Variants in MICAL2 observed in about 807,000 individuals in gnomAD.
MICAL2 encodes the protein [F-actin]-monooxygenase MICAL2.
A neutral mutation model predicts 127.3 loss-of-function variants in MICAL2; 77 were observed. The ratio of observed to expected loss-of-function variants is 0.60; its 90% CI spans 0.50 to 0.73. The LOEUF (loss-of-function observed/expected upper bound fraction) is 0.73. Ranked by LOEUF, MICAL2 falls within the 30% of genes least tolerant of loss-of-function variation. MICAL2 has a pLI of 0.00. For synonymous variants in MICAL2, 570 were observed against 551.1 expected (o/e 1.03, Z -0.48); for missense variants, 1,351 against 1,434.4 (o/e 0.94, Z 0.94).
chr11:12,191,192 C>T (rs977490563), intron 3 of MICAL2, among the ~76,000 whole-genome samples: 3 of 152,084 alleles, frequency 2.0e-5, no homozygotes, highest in African/African-American at 7.2e-5. Flanking sequence ...TGGCCGGGTG[C>T]GGTGGCCCAC....
At chr11:12,352,374 A>C (rs942528934) in intron 33 of MICAL2, among the ~76,000 whole-genome samples, 5 of 152,244 alleles carry the variant, frequency 3.3e-5, no homozygotes, top group African/African-American at 1.2e-4. Context: ...ACACATAGGC[A>C]CGTGCATAGC....
At chr11:12,334,979 T>G (rs373499290) in intron 32 of MICAL2, among the ~76,000 whole-genome samples, 11 of 152,102 alleles carry the variant, frequency 7.2e-5, no homozygotes, top group African/African-American at 2.4e-4. Flanking sequence ...GTAATGGGAT[T>G]GCTGGGTCAA....
intron 1 of MICAL2, among the ~76,000 whole-genome samples, chr11:12,126,751 C>T (rs1371723570): frequency 6.6e-6 from 1 of 150,754 alleles, no homozygotes; most frequent in Non-Finnish European, 1.5e-5. Flanking sequence ...CGCAACAGTT[C>T]AGCTCAATCA....
chr11:12,256,743 G>C, intron 23 of MICAL2, 42 bp from the exon 24 acceptor site: 2 of 1,540,648 alleles, frequency 1.3e-6, no homozygotes, highest in Non-Finnish European at 1.8e-6. Flanking sequence ...TGAAGGCTCG[G>C]GATAAGCCAT....
rs560479007 is a variant in MICAL2 at position 12,145,991 on chromosome 11, G to A, written c.-78+7531G>A. 2.0e-3 allele frequency among the ~76,000 whole-genome samples: 301 copies of A among 152,298 alleles called. 1 individual carries two copies. The highest frequency in any genetic ancestry group is 3.4e-3 in the Middle Eastern group (1 of 294). On this transcript the variant is annotated intron_variant, in intron 2 of 27. Transcript: ENST00000683283. ...GAAATTGGTGGTCTGTAATTCAAATGAAAAATTTAGAAATCGTGATGTGTA... is the reference window on the plus strand; with the variant it reads ...GAAATTGGTGGTCTGTAATTCAAATAAAAAATTTAGAAATCGTGATGTGTA...
chr11:12,304,920 A>T (rs1285491095), intron 29 of MICAL2, among the ~76,000 whole-genome samples: 1 of 152,162 alleles, frequency 6.6e-6, no homozygotes, highest in African/African-American at 2.4e-5. Flanking sequence ...TTGCATTGCC[A>T]TGTGACTTAT....
chr11:12,258,940 A>G (rs561318905), intron 25 of MICAL2, among the ~76,000 whole-genome samples: 10 of 152,332 alleles, frequency 6.6e-5, no homozygotes, highest in African/African-American at 2.4e-4. Flanking sequence ...CGACCCTTCT[A>G]CATTTTCCAA....
At chr11:12,187,041 C>T (rs573920855) in intron 3 of MICAL2, among the ~76,000 whole-genome samples, 4 of 152,306 alleles carry the variant, frequency 2.6e-5, no homozygotes, top group East Asian at 3.9e-4. Flanking sequence ...ATTAGAGCAG[C>T]GGTGTGCTTT....
intron 4 of MICAL2, among the ~76,000 whole-genome samples, chr11:12,207,059 G>A (rs1854784545): frequency 6.6e-6 from 1 of 152,104 alleles, no homozygotes; most frequent in African/African-American, 2.4e-5. Flanking sequence ...GAGATTTTCA[G>A]CAGTGTCTCC....
At position 12,260,415 on chromosome 11, in the gene MICAL2, T is replaced by A. The variant is rs1050459137; in HGVS notation, c.3334+518T>A. The A allele has an allele frequency of 1.9e-5, 24 of 1,235,722 alleles. No individual in the cohort carries two copies. The Admixed American group carries it at 3.7e-4, about 19-fold the overall frequency. The allele number at this position is 1,235,722 out of a possible 1,614,324, so 76.5% of individuals were successfully genotyped here. Reference sequence around the variant, plus strand: ...TAGCTTTGTGAGCCATACTTCTGGGTTTACATTTCAATTTTTTTAATTTTA... The same window carrying A: ...TAGCTTTGTGAGCCATACTTCTGGGATTACATTTCAATTTTTTTAATTTTA... On this transcript the variant is annotated intron_variant, in intron 26 of 27. Transcript: ENST00000683283.
intron 2 of MICAL2, among the ~76,000 whole-genome samples, chr11:12,158,689 A>G (rs1854457318): frequency 1.3e-5 from 2 of 152,228 alleles, no homozygotes; most frequent in African/African-American, 2.4e-5. Context: ...GCATCATTTT[A>G]TATAAGGGAC....
rs577647707 is a variant in MICAL2 at position 12,286,008 on chromosome 11, C to T, written c.255-1079C>T. Among the ~76,000 whole-genome samples the T allele has an allele frequency of 3.9e-5, 6 of 152,346 alleles. No individual in the cohort carries two copies. The East Asian group carries it at 1.2e-3, about 29-fold the overall frequency. On this transcript the variant is annotated intron_variant, in intron 2 of 2. Transcript: ENST00000529028. ...CGCAGGGGCCTGAAGCCTGGGAATGCATCTGCAGGCCTTGCCTGGGAACAG... is the reference window on the plus strand; with the variant it reads ...CGCAGGGGCCTGAAGCCTGGGAATGTATCTGCAGGCCTTGCCTGGGAACAG...
chr11:12,146,505 C>T (rs1425450363), intron 2 of MICAL2, among the ~76,000 whole-genome samples: 2 of 152,220 alleles, frequency 1.3e-5, no homozygotes, highest in African/African-American at 4.8e-5. Flanking sequence ...ATCAAAGCCA[C>T]AGTGAGATAC....
rs148682292 is a variant in MICAL2, at chr11:12,216,002, A to G, written c.848-217A>G. On this transcript the variant is annotated intron_variant, in intron 7 of 27. Transcript: ENST00000683283. ...ACAGACGTTGTGAGTTTTAACAGGA[A>G]TAATGCCGCTATAGAACTATAGAAG... Among the ~76,000 whole-genome samples the G allele has an allele frequency of 9.2e-5, 14 of 152,320 alleles. No homozygotes were observed. In the East Asian group the frequency reaches 2.7e-3, roughly 29 times the overall value.
intron 3 of MICAL2, among the ~76,000 whole-genome samples, chr11:12,167,512 C>G (rs930508058): frequency 2.0e-5 from 3 of 152,140 alleles, no homozygotes; most frequent in Non-Finnish European, 2.9e-5. Context: ...ACTGCTACCC[C>G]TTGGCCTGGA....
At chr11:12,327,122 TG>T (rs1328886131) in intron 31 of MICAL2, 1 of 1,493,288 alleles carries the variant, frequency 6.7e-7, no homozygotes. Flanking sequence ...CAGCCCCTCT[TG>T]GGACTCTATG....
intron 14 of MICAL2, among the ~76,000 whole-genome samples, 175 bp downstream of exon 14, chr11:12,226,545 G>T (rs1857478003): frequency 6.6e-6 from 1 of 152,066 alleles, no homozygotes; most frequent in Admixed American, 6.5e-5. Context: ...CATGTAAGTG[G>T]ATCTGTATGC....
intron 32 of MICAL2, among the ~76,000 whole-genome samples, chr11:12,342,424 TGA>T (rs1565310719): frequency 6.6e-6 from 1 of 152,236 alleles, no homozygotes; most frequent in African/African-American, 2.4e-5. Flanking sequence ...TTATTATTTA[TGA>T]GTTTTTGTTA....
chr11:12,162,273 G>A lies in MICAL2; in HGVS notation c.118G>A (p.Asp40Asn), dbSNP rs775201278. The part of the protein sequence containing the change: ...QAFNILTRHL[D>N]LDPLDHRNFY... ...CTTCAACATTCTCACACGACACCTG[G>A]ACCTAGACCCTCTGGACCACAGAAA... is the stretch of plus-strand genomic sequence containing the variant. Residue 40 changes from aspartate to asparagine, a missense_variant, in exon 3 of 28, where the codon GAC becomes AAC. This residue lies in a region of MICAL2 where 599 missense variants were observed against 714.9 expected (regional missense o/e 0.84). Coordinates refer to ENST00000683283, the MANE Select transcript of MICAL2 (RefSeq NM_001282663.2). 6.2e-7 allele frequency: 1 copy of A among 1,614,090 alleles called. No homozygotes were observed. Among genetic ancestry groups the A allele is most frequent in the African/African-American group, 1.3e-5 (1 of 74,926 alleles).
Sources: allele counts gnomAD v4.1 joint callset (sites outside exome capture counted in the v4.1 genomes callset), GRCh38; gene constraint gnomAD v4.1.1; regional missense constraint gnomAD v4.1.1; transcripts MANE v1.5; gene names NCBI Gene and HGNC (gene_info 2026-07-23, HGNC 2026-07-21).